Variants in MCUB observed in about 807,000 individuals in gnomAD.
The protein encoded by MCUB is calcium uniporter regulatory subunit MCUb, mitochondrial.
Under a neutral mutation model 41.4 loss-of-function variants are expected in MCUB, and 46 were observed. That is an observed-to-expected ratio of 1.11 (90% CI 0.88 to 1.42). The LOEUF (loss-of-function observed/expected upper bound fraction) is 1.42, where lower values mean the gene tolerates loss of function less well. Among genes scored for constraint, MCUB ranks in the 40% most tolerant of loss-of-function variants. The pLI, the probability that MCUB is intolerant of heterozygous loss-of-function variation, is 0.00. For missense variants in MCUB, 403 were observed against 404.9 expected (o/e 1.00, Z 0.04); for synonymous variants, 148 against 148.2 (o/e 1.00, Z 0.01).
At chr4:109,637,748 G>A (rs1408418764) in intron 1 of MCUB, among the ~76,000 whole-genome samples, 1 of 152,162 alleles carries the variant, frequency 6.6e-6, no homozygotes, top group East Asian at 1.9e-4. Context: ...GGGGACTCGG[G>A]AAAATGGTGG....
chr4:109,580,396 G>A (rs974561853), intron 1 of MCUB, among the ~76,000 whole-genome samples: 1 of 152,222 alleles, frequency 6.6e-6, no homozygotes, highest in Admixed American at 6.5e-5. Context: ...TATATACCCA[G>A]TAATGGGATG....
chr4:109,598,331 G>A (rs1202428392), intron 1 of MCUB, among the ~76,000 whole-genome samples: 3 of 152,154 alleles, frequency 2.0e-5, no homozygotes, highest in Non-Finnish European at 2.9e-5. Context: ...ACGAGACTCC[G>A]TCTGCAATCC....
chr4:109,671,177 T>A (rs1467357516), intron 4 of MCUB, among the ~76,000 whole-genome samples: 2 of 152,226 alleles, frequency 1.3e-5, no homozygotes, highest in Admixed American at 1.3e-4. Flanking sequence ...ACTTTGGAGT[T>A]TTTTTATGTC....
intron 1 of MCUB, among the ~76,000 whole-genome samples, chr4:109,580,844 G>T (rs964107003): frequency 6.6e-6 from 1 of 152,114 alleles, no homozygotes; most frequent in African/African-American, 2.4e-5. Flanking sequence ...CACTCTGATG[G>T]TAGTTTCTTT....
At chr4:109,571,702 A>C (rs878997840) in intron 1 of MCUB, among the ~76,000 whole-genome samples, 2 of 152,266 alleles carry the variant, frequency 1.3e-5, no homozygotes, top group Non-Finnish European at 2.9e-5. Context: ...ACAGTCATTC[A>C]GGGAGCTAAG....
intron 1 of MCUB, among the ~76,000 whole-genome samples, chr4:109,606,574 T>A (rs1411783797): frequency 5.3e-5 from 8 of 152,322 alleles, no homozygotes; most frequent in South Asian, 2.1e-4. Flanking sequence ...AATACTATCT[T>A]ATAACCCATT....
chr4:109,597,697 C>T (rs1399317146), intron 1 of MCUB, among the ~76,000 whole-genome samples: 3 of 147,544 alleles, frequency 2.0e-5, no homozygotes, highest in Non-Finnish European at 4.5e-5. Context: ...GACCCCCCAC[C>T]TCCCTCCTGG....
chr4:109,640,523 T>C (rs1728692458), intron 1 of MCUB, among the ~76,000 whole-genome samples: 1 of 152,268 alleles, frequency 6.6e-6, no homozygotes, highest in Non-Finnish European at 1.5e-5. Flanking sequence ...TTGCTCCAAC[T>C]TCTACATCAG....
At chr4:109,685,182 A>G in intron 6 of MCUB, 69 bp from the exon 7 acceptor site, 5 of 704,084 alleles carry the variant, frequency 7.1e-6, no homozygotes, top group East Asian at 2.5e-5. Flanking sequence ...TGAGTCAAGT[A>G]TCTTTCTTGC....
chr4:109,630,664 C>T (rs561382312), intron 1 of MCUB, among the ~76,000 whole-genome samples: 1 of 152,232 alleles, frequency 6.6e-6, no homozygotes, highest in South Asian at 2.1e-4. Flanking sequence ...TCACCGCAAC[C>T]TCTGCCTCCT....
At chr4:109,656,644 T>TA (rs1362559931) in intron 1 of MCUB, among the ~76,000 whole-genome samples, 1 of 152,116 alleles carries the variant, frequency 6.6e-6, no homozygotes, top group Non-Finnish European at 1.5e-5. Flanking sequence ...GTGCTGGGAT[T>TA]ATAGGCAGGA....
intron 1 of MCUB, among the ~76,000 whole-genome samples, chr4:109,583,271 T>A (rs1488274122): frequency 6.6e-6 from 1 of 152,184 alleles, no homozygotes; most frequent in Non-Finnish European, 1.5e-5. Flanking sequence ...CTTGAAGAGG[T>A]CCTTCACATC....
intron 1 of MCUB, among the ~76,000 whole-genome samples, chr4:109,627,663 A>G (rs1728388955): frequency 6.6e-6 from 1 of 152,216 alleles, no homozygotes. Context: ...CTGTAATCCC[A>G]GCACTTTGGG....
intron 1 of MCUB, among the ~76,000 whole-genome samples, chr4:109,634,609 A>G (rs759812143): frequency 1.3e-5 from 2 of 151,896 alleles, no homozygotes; most frequent in African/African-American, 4.8e-5. Context: ...TCAAATTTAT[A>G]TGAATGGAAT....
intron 4 of MCUB, among the ~76,000 whole-genome samples, chr4:109,677,093 A>C (rs1729590420): frequency 1.3e-5 from 2 of 152,260 alleles, no homozygotes; most frequent in East Asian, 3.8e-4. Flanking sequence ...CCCCTGCCTT[A>C]GTGTATCCAC....
intron 1 of MCUB, among the ~76,000 whole-genome samples, chr4:109,657,914 A>G (rs1451974949): frequency 4.6e-5 from 7 of 152,248 alleles, no homozygotes. Context: ...TGAGATAGCC[A>G]TTAGGCATAG....
At position 109,685,357 on chromosome 4, in the gene MCUB, A is replaced by T. The variant is rs1276990040; in HGVS notation, c.923A>T (p.Asp308Val). ...CAGCAATACAACAAGTTAAAAGAAG[A>T]CCTTGCTAAGGTATACTACAAATAC... ...DVQQYNKLKEDLAKAKESLKQ... is the reference protein window; with the variant it reads ...DVQQYNKLKEVLAKAKESLKQ... Residue 308 changes from aspartate (D) to valine (V), a missense_variant, in exon 7 of 8, where the codon GAC becomes GTC. Coordinates refer to ENST00000394650, the MANE Select transcript of MCUB (RefSeq NM_017918.5). 1.4e-6 allele frequency: 2 copies of T among 1,472,330 alleles called. No individual in the cohort carries two copies. The highest frequency in any genetic ancestry group is 1.9e-6 in the Non-Finnish European group (2 of 1,051,570). 91.2% of individuals were successfully genotyped at this position (1,472,330 alleles called of 1,614,324 possible). A position where few individuals can be genotyped will look rare whatever the true frequency, so the allele number is the denominator to read the frequency against.
chr4:109,659,081 C>G lies in MCUB; in HGVS notation c.170C>G (p.Pro57Arg). The G allele has an allele frequency of 6.7e-7, 1 of 1,482,070 alleles. No individual in the cohort carries two copies. Among genetic ancestry groups the G allele is most frequent in the Non-Finnish European group, 9.2e-7 (1 of 1,083,492 alleles). The allele number at this position is 1,482,070 out of a possible 1,614,324, so 91.8% of individuals were successfully genotyped here. A position where few individuals can be genotyped will look rare whatever the true frequency, so the allele number is the denominator to read the frequency against. ...CACCATTATAGTACCGTGGTGCCAC[C>G]TGATGGTAAGCTTTCTTACCATTTA... ...QSHHYSTVVP[P>R]DEITVIYRHG... Residue 57 changes from proline (P) to arginine (R), a missense_variant, in exon 2 of 8, where the codon CCT (proline) becomes CGT (arginine). By Grantham distance (103) the Pro-to-Arg change is moderately radical. Coordinates refer to ENST00000394650, the MANE Select transcript of MCUB (RefSeq NM_017918.5).
intron 1 of MCUB, among the ~76,000 whole-genome samples, chr4:109,575,900 C>A (rs962732755): frequency 6.6e-6 from 1 of 152,006 alleles, no homozygotes; most frequent in Non-Finnish European, 1.5e-5. Context: ...TTCCTGGGAA[C>A]CTTTTCACTC....
Sources: allele counts gnomAD v4.1 joint callset (sites outside exome capture counted in the v4.1 genomes callset), GRCh38; gene constraint gnomAD v4.1.1; transcripts MANE v1.5; gene names NCBI Gene and HGNC (gene_info 2026-07-23, HGNC 2026-07-21).